Variants in ASXL2 observed in about 807,000 individuals in gnomAD.
ASXL2 encodes putative Polycomb group protein ASXL2.
Under a neutral mutation model 122.0 loss-of-function variants are expected in ASXL2, and 23 were observed. The ratio of observed to expected loss-of-function variants is 0.19; its 90% CI spans 0.14 to 0.27. The LOEUF is 0.27. ASXL2 is among the 10% of genes least tolerant of loss of function. ASXL2 has a pLI of 1.00. For missense variants in ASXL2, 1,518 were observed against 1,713.8 expected, an observed-to-expected ratio of 0.89 and a Z score of 2.02; for synonymous variants, 650 against 637.0, an observed-to-expected ratio of 1.02 and a Z score of -0.31.
intron 1 of ASXL2, among the ~76,000 whole-genome samples, chr2:25,858,812 A>G (rs1387577781): frequency 7.2e-6 from 1 of 139,208 alleles, no homozygotes; most frequent in Non-Finnish European, 1.6e-5. Flanking sequence ...TAGAAATCTA[A>G]TTTTTTTTTT....
At chr2:25,802,696 G>C (rs1445989084) in intron 4 of ASXL2, among the ~76,000 whole-genome samples, 1 of 152,168 alleles carries the variant, frequency 6.6e-6, no homozygotes, top group African/African-American at 2.4e-5. Flanking sequence ...CTAGAGGGTT[G>C]GAACTTTCAC....
At chr2:25,795,826 A>C (rs2088904472) in intron 5 of ASXL2, among the ~76,000 whole-genome samples, 1 of 152,228 alleles carries the variant, frequency 6.6e-6, no homozygotes, top group African/African-American at 2.4e-5. Flanking sequence ...GGGGATAGAG[A>C]CAGCCCTTTA....
rs1488289254 is a variant in ASXL2, at chr2:25,733,811, C to G, written c.*8218G>C. The G allele has an allele frequency of 1.3e-5, 2 of 152,148 alleles. No individual in the cohort carries two copies. Among genetic ancestry groups the G allele is most frequent in the Non-Finnish European group, 2.9e-5 (2 of 68,026 alleles). 9.4% of individuals were successfully genotyped at this position (152,148 alleles called of 1,614,324 possible). ...AATGAGTCAGTAAAATATGGTTTGTCTATGTGCAGAAACATACATTCAACT... is the reference window on the plus strand; with the variant it reads ...AATGAGTCAGTAAAATATGGTTTGTGTATGTGCAGAAACATACATTCAACT... On this transcript the variant is annotated 3_prime_UTR_variant, in exon 13 of 13. Transcript: ENST00000435504.
chr2:25,775,215 C>T lies in ASXL2; in HGVS notation c.404-3675G>A, dbSNP rs1361206230. ...CAATCTCAGCTCACTGCAACCTCTG[C>T]TTCTCAGGTTCAAGTGATTCTCCTG... On this transcript the variant is annotated intron_variant, in intron 5 of 12. Coordinates refer to ENST00000435504, the MANE Select transcript of ASXL2 (RefSeq NM_018263.6). Among the ~76,000 whole-genome samples the T allele has an allele frequency of 1.1e-4, 17 of 152,270 alleles. 1 individual carries two copies. The East Asian group carries it at 3.1e-3, about 28-fold the overall frequency.
intron 1 of ASXL2, among the ~76,000 whole-genome samples, chr2:25,872,664 A>C (rs952991153): frequency 1.3e-5 from 2 of 152,184 alleles, no homozygotes; most frequent in Non-Finnish European, 2.9e-5. Context: ...TATAGAGAGG[A>C]AAAATTTTAA....
Position 25,744,935 on chromosome 2 carries a change from CCACACACACA to C in ASXL2, c.1861-469_1861-460del, listed in dbSNP as rs10579555. Among the ~76,000 whole-genome samples, 98 of 138,328 alleles carry C rather than the reference CCACACACACA, an allele frequency of 7.1e-4. No individual in the cohort carries two copies. The highest frequency in any genetic ancestry group is 1.8e-3 in the South Asian group (7 of 3,996). 90.7% of individuals were successfully genotyped at this position (138,328 alleles called of 152,430 possible). Reference sequence around the variant, plus strand: ...GGGAAAATACTTGCTCTTCTCTGTTCCACACACACACACACACACACACACACACACACAC... The same window carrying C: ...GGGAAAATACTTGCTCTTCTCTGTTCCACACACACACACACACACACACAC... On this transcript the variant is annotated intron_variant, in intron 12 of 12. Coordinates refer to ENST00000435504, the MANE Select transcript of ASXL2 (RefSeq NM_018263.6). The surrounding 1 kb of genome is among the most constrained non-coding windows in gnomAD (Gnocchi z 4.7).
At chr2:25,745,850 TG>T in intron 12 of ASXL2, among the ~76,000 whole-genome samples, 1 of 151,946 alleles carries the variant, frequency 6.6e-6, no homozygotes. Context: ...TTCACCATGT[TG>T]GCCAGGATGG....
intron 2 of ASXL2, among the ~76,000 whole-genome samples, chr2:25,839,698 T>TTG (rs2089554389): frequency 6.7e-6 from 1 of 149,496 alleles, no homozygotes; most frequent in Non-Finnish European, 1.5e-5. Flanking sequence ...TCACGGCTCA[T>TTG]TGCAGCCTTG....
chr2:25,849,079 A>ATAT, intron 1 of ASXL2, among the ~76,000 whole-genome samples: 1 of 136,756 alleles, frequency 7.3e-6, no homozygotes, highest in East Asian at 2.5e-4. Flanking sequence ...ATATATATGG[A>ATAT]ATATTTATTT....
chr2:25,863,764 G>C (rs1338149064), intron 1 of ASXL2, among the ~76,000 whole-genome samples: 2 of 151,778 alleles, frequency 1.3e-5, no homozygotes, highest in Non-Finnish European at 2.9e-5. Context: ...TCAACACTTT[G>C]GGAGGCCAAA....
chr2:25,824,234 T>C (rs1411536671), intron 3 of ASXL2, among the ~76,000 whole-genome samples: 47 of 152,092 alleles, frequency 3.1e-4, no homozygotes, highest in Admixed American at 3.1e-3. Flanking sequence ...TAAAATCAAA[T>C]AATAATACTA....
chr2:25,837,095 G>A (rs1165132586), intron 2 of ASXL2, among the ~76,000 whole-genome samples: 2 of 112,658 alleles, frequency 1.8e-5, no homozygotes, highest in East Asian at 3.1e-4. Flanking sequence ...GGGGGGGGGG[G>A]GCGTGGGAAG....
intron 3 of ASXL2, among the ~76,000 whole-genome samples, chr2:25,831,060 T>C (rs1187551658): frequency 6.6e-6 from 1 of 151,946 alleles, no homozygotes; most frequent in Non-Finnish European, 1.5e-5. Flanking sequence ...TAGCTCACAT[T>C]TGTAATCCCA....
intron 3 of ASXL2, among the ~76,000 whole-genome samples, chr2:25,824,506 C>T (rs1020708830): frequency 2.6e-5 from 4 of 152,064 alleles, no homozygotes; most frequent in African/African-American, 9.7e-5. Flanking sequence ...CACAATTTGC[C>T]TCCAGAAAAA....
At chr2:25,808,021 A>ACACACACACT (rs766637532) in intron 3 of ASXL2, among the ~76,000 whole-genome samples, 5 of 148,516 alleles carry the variant, frequency 3.4e-5, no homozygotes, top group South Asian at 4.3e-4. Flanking sequence ...ACACACACAC[A>ACACACACACT]CTCTCCACCC....
intron 9 of ASXL2, among the ~76,000 whole-genome samples, chr2:25,758,674 AC>A (rs1330087346): frequency 7.3e-6 from 1 of 137,056 alleles, no homozygotes; most frequent in Non-Finnish European, 1.6e-5. Flanking sequence ...TCTTTTTGCT[AC>A]TTTTGTTTTT....
chr2:25,837,967 A>C (rs1322748632), intron 2 of ASXL2, among the ~76,000 whole-genome samples: 3 of 151,464 alleles, frequency 2.0e-5, no homozygotes, highest in Middle Eastern at 3.4e-3. Flanking sequence ...AAAAAAAAAA[A>C]AAAAACACAA....
intron 3 of ASXL2, among the ~76,000 whole-genome samples, chr2:25,807,826 G>T (rs2089105434): frequency 6.6e-6 from 1 of 152,130 alleles, no homozygotes; most frequent in South Asian, 2.1e-4. Flanking sequence ...ATAGTCCCCT[G>T]TAGTTTGACT....
chr2:25,756,306 C>T (rs2088132232), intron 9 of ASXL2, among the ~76,000 whole-genome samples, 192 bp from the exon 10 acceptor site: 2 of 151,586 alleles, frequency 1.3e-5, no homozygotes, highest in East Asian at 3.9e-4. Context: ...CATTGCTTTC[C>T]TGTTTACCTC....
Sources: allele counts gnomAD v4.1 joint callset (sites outside exome capture counted in the v4.1 genomes callset), GRCh38; gene constraint gnomAD v4.1.1; non-coding constraint Gnocchi (gnomAD v3.1); transcripts MANE v1.5; gene names NCBI Gene and HGNC (gene_info 2026-07-23, HGNC 2026-07-21).